MEI4: variants seen among roughly 807,000 people sequenced by gnomAD.
MEI4 encodes meiosis-specific protein MEI4.
MEI4 carries 27 observed loss-of-function variants against 31.4 expected under a neutral mutation model. That is an observed-to-expected ratio of 0.86 (90% CI 0.63 to 1.19). MEI4 has a LOEUF of 1.19. Among genes scored for constraint, MEI4 ranks in the 50% most tolerant of loss-of-function variants. The pLI is 0.00. For synonymous variants in MEI4, 122 were observed against 145.4 expected (o/e 0.84, Z 1.16); for missense variants, 329 against 398.9 (o/e 0.82, Z 1.49).
At chr6:77,845,194 C>G (rs1770452511) in intron 4 of MEI4, among the ~76,000 whole-genome samples, 1 of 152,128 alleles carries the variant, frequency 6.6e-6, no homozygotes, top group African/African-American at 2.4e-5. Context: ...TCAGGTAAAA[C>G]CCAAGATGCT....
intron 1 of MEI4, among the ~76,000 whole-genome samples, chr6:77,687,992 G>T (rs1488844765): frequency 6.6e-6 from 1 of 152,044 alleles, no homozygotes; most frequent in African/African-American, 2.4e-5. Flanking sequence ...GGTCTTTCTG[G>T]CAACTAATTC....
intron 4 of MEI4, among the ~76,000 whole-genome samples, chr6:77,893,825 T>TA (rs1766021483): frequency 6.6e-6 from 1 of 152,122 alleles, no homozygotes; most frequent in African/African-American, 2.4e-5. Flanking sequence ...AATAGGAAGA[T>TA]TATAAAAATA....
At chr6:77,703,727 T>C (rs895389182) in intron 2 of MEI4, among the ~76,000 whole-genome samples, 9 of 152,182 alleles carry the variant, frequency 5.9e-5, no homozygotes, top group Non-Finnish European at 1.3e-4. Flanking sequence ...TAAATCCAGG[T>C]AGATAGTTCT....
At chr6:77,779,021 G>A (rs1251566323) in intron 3 of MEI4, among the ~76,000 whole-genome samples, 1 of 152,126 alleles carries the variant, frequency 6.6e-6, no homozygotes, top group Non-Finnish European at 1.5e-5. Flanking sequence ...GGAGCTTAAA[G>A]GAAAGTACTG....
chr6:77,902,843 T>G (rs1015474651), intron 4 of MEI4, among the ~76,000 whole-genome samples: 2 of 152,128 alleles, frequency 1.3e-5, no homozygotes, highest in Non-Finnish European at 2.9e-5. Flanking sequence ...ATATGTTGAT[T>G]GATGTCTCAT....
intron 3 of MEI4, among the ~76,000 whole-genome samples, chr6:77,799,754 C>A (rs1769193891): frequency 6.6e-6 from 1 of 152,088 alleles, no homozygotes; most frequent in Non-Finnish European, 1.5e-5. Context: ...ATAGGGAATC[C>A]TTTCCCCATT....
chr6:77,741,584 G>C (rs61277407), intron 2 of MEI4, among the ~76,000 whole-genome samples: 3,452 of 152,168 alleles, frequency 0.023, 134 homozygotes, highest in African/African-American at 0.078. Flanking sequence ...GAAGTATCCA[G>C]ATGTTTGATC....
intron 2 of MEI4, among the ~76,000 whole-genome samples, chr6:77,717,957 G>A (rs1766618867): frequency 5.9e-5 from 3 of 50,596 alleles, no homozygotes; most frequent in Middle Eastern, 8.1e-3. Flanking sequence ...GCCCGTTCTC[G>A]ATGGTCGCTG....
At chr6:77,863,550 T>C (rs888620555) in intron 4 of MEI4, among the ~76,000 whole-genome samples, 1 of 151,928 alleles carries the variant, frequency 6.6e-6, no homozygotes, top group African/African-American at 2.4e-5. Context: ...AAAAAAGAAA[T>C]GAACAAAGCC....
At chr6:77,697,686 A>C (rs1038074784) in intron 2 of MEI4, among the ~76,000 whole-genome samples, 8 of 152,158 alleles carry the variant, frequency 5.3e-5, no homozygotes, top group Admixed American at 4.6e-4. Context: ...TTTACTTCCA[A>C]CTATGTGGTC....
intron 3 of MEI4, among the ~76,000 whole-genome samples, chr6:77,799,882 G>C (rs1409658786): frequency 2.0e-5 from 3 of 152,152 alleles, no homozygotes; most frequent in African/African-American, 4.8e-5. Context: ...GTACCATGCT[G>C]TTTTGGTTAC....
At chr6:77,665,373 G>A (rs1391131492) in intron 1 of MEI4, among the ~76,000 whole-genome samples, 4 of 151,254 alleles carry the variant, frequency 2.6e-5, no homozygotes, top group East Asian at 3.9e-4. Flanking sequence ...GGGACTTGCC[G>A]CTAAGGGTGA....
At chr6:77,734,698 G>T (rs1297059469) in intron 2 of MEI4, among the ~76,000 whole-genome samples, 1 of 151,558 alleles carries the variant, frequency 6.6e-6, no homozygotes, top group Admixed American at 6.6e-5. Flanking sequence ...TGGTTATTTT[G>T]CTCGTTAGTT....
rs557392931 is a variant in MEI4 at position 77,730,734 on chromosome 6, G to A, written c.233-30396G>A. 5.3e-5 allele frequency among the ~76,000 whole-genome samples: 8 copies of A among 151,608 alleles called. 1 individual carries two copies. The highest frequency in any genetic ancestry group is 2.0e-4 in the Admixed American group (3 of 15,226). ...GCTGGTGCGCTGCACCCACTAACTC[G>A]TCATCTAGCATTAGGTGTATCTCCC... On this transcript the variant is annotated intron_variant, in intron 2 of 4. Transcript: ENST00000684080.
chr6:77,736,162 C>A (rs12192917), intron 2 of MEI4, among the ~76,000 whole-genome samples: 1 of 151,950 alleles, frequency 6.6e-6, no homozygotes, highest in African/African-American at 2.4e-5. Context: ...TGGGCTCCAC[C>A]GGGTTCGAGC....
intron 2 of MEI4, among the ~76,000 whole-genome samples, chr6:77,711,043 A>G (rs1766453942): frequency 1.3e-5 from 2 of 152,184 alleles, no homozygotes; most frequent in South Asian, 4.1e-4. Context: ...GCTTTTTTAG[A>G]TTCCACATAT....
Position 77,695,363 on chromosome 6 carries a change from C to T in MEI4, c.232+4460C>T, listed in dbSNP as rs575484537. The stretch of plus-strand genomic sequence containing the variant: ...CATGCCTATGTCCTGAATGGTATTG[C>T]CTAGGTTTTCTTCTAGGGTTTTTAT... On this transcript the variant is annotated intron_variant, in intron 2 of 4. Transcript: ENST00000684080. Among the ~76,000 whole-genome samples, 1,192 of 152,128 alleles carry T rather than the reference C, an allele frequency of 7.8e-3. 19 individuals carry two copies. The highest frequency in any genetic ancestry group is 0.028 in the African/African-American group (1,141 of 41,488).
At chr6:77,830,716 C>T (rs1770057580) in intron 4 of MEI4, among the ~76,000 whole-genome samples, 1 of 151,856 alleles carries the variant, frequency 6.6e-6, no homozygotes, top group Non-Finnish European at 1.5e-5. Flanking sequence ...AAGAACAAAA[C>T]TATATTTCAT....
intron 4 of MEI4, among the ~76,000 whole-genome samples, chr6:77,884,018 C>T (rs1358274757): frequency 2.0e-5 from 3 of 151,894 alleles, no homozygotes; most frequent in Non-Finnish European, 2.9e-5. Context: ...TCCTCACCAA[C>T]GGTTGTTATT....
Sources: allele counts gnomAD v4.1 joint callset (sites outside exome capture counted in the v4.1 genomes callset), GRCh38; gene constraint gnomAD v4.1.1; transcripts MANE v1.5; gene names NCBI Gene and HGNC (gene_info 2026-07-23, HGNC 2026-07-21).